Variants in CTNND2 observed in about 807,000 individuals in gnomAD.
CTNND2 encodes catenin delta 2, also known as catenin delta-2.
A neutral mutation model predicts 144.4 loss-of-function variants in CTNND2; 22 were observed. That is an observed-to-expected ratio of 0.15 (90% CI 0.11 to 0.22). The LOEUF is 0.22. Among genes scored for constraint, CTNND2 ranks in the 10% least tolerant of loss-of-function variants. CTNND2 has a pLI of 1.00. For synonymous variants in CTNND2, 751 were observed against 695.6 expected (o/e 1.08, Z -1.25); for missense variants, 1,353 against 1,618.8 (o/e 0.84, Z 2.82).
At chr5:11,721,619 G>A (rs1015815136) in intron 2 of CTNND2, among the ~76,000 whole-genome samples, 2 of 152,178 alleles carry the variant, frequency 1.3e-5, no homozygotes, top group Non-Finnish European at 2.9e-5. Context: ...GCTGGGGCTC[G>A]GGGCTCCACT....
At chr5:11,177,500 C>A (rs1460814649) in intron 11 of CTNND2, among the ~76,000 whole-genome samples, 2 of 151,724 alleles carry the variant, frequency 1.3e-5, no homozygotes, top group Non-Finnish European at 2.9e-5. Context: ...ATTTGTGATT[C>A]CAGAATTTTT....
At chr5:11,568,181 G>A (rs1002824498) in intron 2 of CTNND2, among the ~76,000 whole-genome samples, 5 of 152,136 alleles carry the variant, frequency 3.3e-5, no homozygotes, top group African/African-American at 1.2e-4. Flanking sequence ...CTTTCAGATG[G>A]TTCTTTCCCT....
intron 1 of CTNND2, among the ~76,000 whole-genome samples, chr5:11,761,823 T>C (rs2126806440): frequency 6.6e-6 from 1 of 152,276 alleles, no homozygotes; most frequent in South Asian, 2.1e-4. Flanking sequence ...ATGTGTAGCT[T>C]ATATTGGTAA....
rs1011128747 is a variant in CTNND2, at chr5:11,805,528, T to C, written c.38-73256A>G. ...CAGAAAATAAGGAAGTACAAATAAA[T>C]AAATGAACAATGAATGAATGAATGA... On this transcript the variant is annotated intron_variant, in intron 1 of 21. Transcript: ENST00000304623. Among the ~76,000 whole-genome samples the C allele has an allele frequency of 2.4e-4, 35 of 148,620 alleles. 1 individual carries two copies. The highest frequency in any genetic ancestry group is 7.7e-4 in the African/African-American group (30 of 38,986).
intron 3 of CTNND2, among the ~76,000 whole-genome samples, chr5:11,445,737 G>C (rs960621268): frequency 6.6e-6 from 1 of 152,240 alleles, no homozygotes; most frequent in Non-Finnish European, 1.5e-5. Context: ...CGGGGCTGGT[G>C]AGGTGAAACT....
chr5:10,986,981 A>T, intron 20 of CTNND2, among the ~76,000 whole-genome samples: 1 of 152,296 alleles, frequency 6.6e-6, no homozygotes, highest in East Asian at 1.9e-4. Context: ...TCCTCTCCTA[A>T]GAGGGTCTCA....
In CTNND2 at chr5:11,682,498, A is replaced by C. The variant is rs112039141; in HGVS notation, c.174+49638T>G. On this transcript the variant is annotated intron_variant, in intron 2 of 21. Transcript: ENST00000304623. Reference sequence around the variant, plus strand: ...TGTTCTAAATAAAAGAATTATACCAAATGTATACTGGAAGGATATTTCTTT... The same window carrying C: ...TGTTCTAAATAAAAGAATTATACCACATGTATACTGGAAGGATATTTCTTT... 8.5e-3 allele frequency among the ~76,000 whole-genome samples: 1,298 copies of C among 152,326 alleles called. 12 individuals carry two copies. The highest frequency in any genetic ancestry group is 0.015 in the Non-Finnish European group (1,008 of 68,032).
At chr5:11,835,868 C>T (rs983943040) in intron 1 of CTNND2, among the ~76,000 whole-genome samples, 1 of 151,990 alleles carries the variant, frequency 6.6e-6, no homozygotes. Flanking sequence ...TTTCCCATCC[C>T]TCTTTTCTTT....
intron 13 of CTNND2, among the ~76,000 whole-genome samples, chr5:11,111,440 C>T (rs780856643): frequency 5.3e-5 from 8 of 152,274 alleles, no homozygotes; most frequent in South Asian, 2.1e-4. Flanking sequence ...CTTAGAATTT[C>T]GGTCAGCTCT....
At chr5:11,674,730 T>A (rs1784082371) in intron 2 of CTNND2, among the ~76,000 whole-genome samples, 1 of 151,818 alleles carries the variant, frequency 6.6e-6, no homozygotes, top group South Asian at 2.1e-4. Context: ...GTTGGTTGGT[T>A]GGTTGGTTGG....
intron 2 of CTNND2, among the ~76,000 whole-genome samples, chr5:11,602,937 G>A (rs1038898255): frequency 1.7e-4 from 26 of 151,038 alleles, no homozygotes; most frequent in African/African-American, 6.1e-4. Context: ...ATTGATGAGG[G>A]AAAAAATCCA....
rs1259555732 is a variant in CTNND2 at position 11,236,795 on chromosome 5, G to A, written c.1657C>T (p.Pro553Ser). The change falls in exon 10 of 22, where the codon CCG (proline) becomes TCG (serine). Residue 553 changes from proline to serine, a missense_variant. Physicochemically the swap from Pro to Ser is moderately conservative, Grantham distance 74 (BLOSUM62 -1). Transcript: ENST00000304623. ...REFGWRDPELPEVIQMLQHQF... is the reference protein window; with the variant it reads ...REFGWRDPELSEVIQMLQHQF... ...TGCTGCAACATCTGAATCACTTCCG[G>A]CAGTTCCGGGTCTCTCCATCCAAAT... 6.2e-7 allele frequency: 1 copy of A among 1,614,110 alleles called. No individual in the cohort carries two copies. Among genetic ancestry groups the A allele is most frequent in the South Asian group, 1.1e-5 (1 of 91,072 alleles).
chr5:11,256,644 G>T (rs1744282403), intron 9 of CTNND2, among the ~76,000 whole-genome samples: 1 of 152,204 alleles, frequency 6.6e-6, no homozygotes, highest in Non-Finnish European at 1.5e-5. Context: ...TAACTTATCA[G>T]TGGCTTGCTC....
intron 21 of CTNND2, among the ~76,000 whole-genome samples, chr5:10,974,644 T>C (rs1394471119): frequency 6.6e-6 from 1 of 152,212 alleles, no homozygotes; most frequent in Non-Finnish European, 1.5e-5. Flanking sequence ...CACAAAGCTC[T>C]GCTAATGTGC....
chr5:11,306,414 T>C (rs1439791724), intron 9 of CTNND2, among the ~76,000 whole-genome samples: 1 of 152,192 alleles, frequency 6.6e-6, no homozygotes, highest in Non-Finnish European at 1.5e-5. Context: ...ATCAAGGCTG[T>C]TAGAACATCT....
chr5:11,372,137 C>T (rs756365897), intron 7 of CTNND2, among the ~76,000 whole-genome samples: 3 of 152,170 alleles, frequency 2.0e-5, no homozygotes, highest in Admixed American at 1.3e-4. Context: ...GATGAAACCT[C>T]ATCACACCTT....
In CTNND2 at chr5:11,554,025, C is replaced by T. The variant is rs558104283; in HGVS notation, c.287+10919G>A. ...TAAAGTATTCAACCTTTCTAAGGCC[C>T]TACATCAAATTCTTTGAACAGCTGA... On this transcript the variant is annotated intron_variant, in intron 3 of 21. Transcript: ENST00000304623. Among the ~76,000 whole-genome samples the T allele has an allele frequency of 1.6e-4, 25 of 152,150 alleles. No homozygotes were observed. The East Asian group carries it at 4.1e-3, about 25-fold the overall frequency.
chr5:11,385,345 G>T, intron 6 of CTNND2, 116 bp from the exon 7 acceptor site: 1 of 659,678 alleles, frequency 1.5e-6, no homozygotes, highest in Non-Finnish European at 1.9e-6. Flanking sequence ...GGCGCCCGGC[G>T]GCTCTGCGAT....
intron 11 of CTNND2, among the ~76,000 whole-genome samples, chr5:11,185,496 C>T (rs1259008077): frequency 6.6e-6 from 1 of 152,244 alleles, no homozygotes; most frequent in Non-Finnish European, 1.5e-5. Context: ...ATGATACAGG[C>T]TCCTATTTTA....
Sources: allele counts gnomAD v4.1 joint callset (sites outside exome capture counted in the v4.1 genomes callset), GRCh38; gene constraint gnomAD v4.1.1; transcripts MANE v1.5; gene names NCBI Gene and HGNC (gene_info 2026-07-23, HGNC 2026-07-21).